CDKAL1: variants seen among roughly 807,000 people sequenced by gnomAD.
CDKAL1 encodes the protein threonylcarbamoyladenosine tRNA methylthiotransferase.
CDKAL1 carries 32 observed loss-of-function variants against 68.2 expected under a neutral mutation model. The observed-to-expected ratio is 0.47, with a 90% CI of 0.35 to 0.63. The LOEUF (loss-of-function observed/expected upper bound fraction) is 0.63, where lower values mean the gene tolerates loss of function less well. Among genes scored for constraint, CDKAL1 ranks in the 30% least tolerant of loss-of-function variants. The pLI is 0.00. For synonymous variants in CDKAL1, 234 were observed against 244.3 expected, an observed-to-expected ratio of 0.96 and a Z score of 0.39; for missense variants, 606 against 696.7, an observed-to-expected ratio of 0.87 and a Z score of 1.47.
At chr6:21,110,859 C>T (rs1291651436) in intron 13 of CDKAL1, among the ~76,000 whole-genome samples, 2 of 152,018 alleles carry the variant, frequency 1.3e-5, no homozygotes, top group Non-Finnish European at 2.9e-5. Context: ...TCCTAGCTAC[C>T]GGGGACAGGT....
At chr6:20,605,897 A>G (rs933167657) in intron 4 of CDKAL1, among the ~76,000 whole-genome samples, 1 of 152,126 alleles carries the variant, frequency 6.6e-6, no homozygotes, top group Non-Finnish European at 1.5e-5. Context: ...TCAGCTGAGT[A>G]CTGTAATTAC....
In CDKAL1 at chr6:20,901,348, G is replaced by A. The variant is rs956290727; in HGVS notation, c.743-54071G>A. On this transcript the variant is annotated intron_variant, in intron 9 of 15. Transcript: ENST00000274695. ...TAGTTTAGTGATATTTTACAAATTG[G>A]ACATAACTATGTCACCAGCACTCAG... 5.9e-5 allele frequency among the ~76,000 whole-genome samples: 9 copies of A among 151,636 alleles called. No homozygotes were observed. In the East Asian group the frequency reaches 1.5e-3, roughly 26 times the overall value.
chr6:20,915,713 G>A (rs1424952520), intron 9 of CDKAL1, among the ~76,000 whole-genome samples: 1 of 152,114 alleles, frequency 6.6e-6, no homozygotes, highest in East Asian at 1.9e-4. Flanking sequence ...TTACACTAGA[G>A]AAATGAAAAC....
chr6:20,939,775 G>C, intron 9 of CDKAL1, among the ~76,000 whole-genome samples: 1 of 152,156 alleles, frequency 6.6e-6, no homozygotes, highest in East Asian at 1.9e-4. Context: ...CTTTGGTAAT[G>C]ATAATTCATT....
intron 5 of CDKAL1, among the ~76,000 whole-genome samples, chr6:20,720,452 C>T (rs1219196068): frequency 6.6e-6 from 1 of 152,112 alleles, no homozygotes; most frequent in Non-Finnish European, 1.5e-5. Context: ...GTGTTCTTAC[C>T]CTTTAAGCCA....
intron 5 of CDKAL1, among the ~76,000 whole-genome samples, chr6:20,658,740 A>T (rs972271582): frequency 1.6e-4 from 24 of 152,320 alleles, no homozygotes; most frequent in Non-Finnish European, 2.2e-4. Context: ...TAAAAGAATT[A>T]AAAAAAACCC....
At chr6:20,966,979 T>C (rs768928228) in intron 10 of CDKAL1, among the ~76,000 whole-genome samples, 6 of 152,194 alleles carry the variant, frequency 3.9e-5, no homozygotes, top group Non-Finnish European at 7.3e-5. Context: ...ACAAACTGGG[T>C]ATTTTGGGAA....
chr6:21,105,354 G>C (rs1773792862), intron 12 of CDKAL1, among the ~76,000 whole-genome samples: 2 of 152,172 alleles, frequency 1.3e-5, no homozygotes, highest in Admixed American at 1.3e-4. Context: ...CTCAGAGGCG[G>C]AGAGAGGAGG....
intron 11 of CDKAL1, among the ~76,000 whole-genome samples, chr6:21,026,330 ATTC>A (rs1347106934): frequency 6.6e-6 from 1 of 152,092 alleles, no homozygotes; most frequent in East Asian, 1.9e-4. Context: ...ATTTTGTGGA[ATTC>A]TTCTGAAACA....
At chr6:20,729,426 G>C (rs1336769929) in intron 5 of CDKAL1, among the ~76,000 whole-genome samples, 1 of 152,040 alleles carries the variant, frequency 6.6e-6, no homozygotes, top group Non-Finnish European at 1.5e-5. Context: ...TCTTTCACAG[G>C]TTTTTCTATG....
chr6:21,087,664 C>T (rs1772765724), intron 12 of CDKAL1, among the ~76,000 whole-genome samples: 1 of 152,046 alleles, frequency 6.6e-6, no homozygotes, highest in African/African-American at 2.4e-5. Flanking sequence ...CTAAAAGGCT[C>T]CTGGGAGAGC....
At chr6:21,087,239 C>A (rs536665856) in intron 12 of CDKAL1, among the ~76,000 whole-genome samples, 1 of 152,182 alleles carries the variant, frequency 6.6e-6, no homozygotes, top group South Asian at 2.1e-4. Flanking sequence ...AGCTGCTCTA[C>A]GGGAGGACTC....
intron 8 of CDKAL1, among the ~76,000 whole-genome samples, chr6:20,802,490 T>C (rs1776410479): frequency 6.6e-6 from 1 of 152,056 alleles, no homozygotes; most frequent in Non-Finnish European, 1.5e-5. Context: ...TTTGTATCTA[T>C]TGTTTGATTA....
intron 9 of CDKAL1, among the ~76,000 whole-genome samples, chr6:20,900,137 G>A (rs1490172969): frequency 6.6e-6 from 1 of 152,052 alleles, no homozygotes; most frequent in East Asian, 1.9e-4. Context: ...TATTGAGAGA[G>A]TTTAAAATTA....
In CDKAL1 at chr6:20,585,348, G is replaced by A. The variant is rs568983368; in HGVS notation, c.286+36643G>A. On this transcript the variant is annotated intron_variant, in intron 4 of 15. Transcript: ENST00000274695. ...ATTACAGGCGTGAGCCACTGCGCCC[G>A]GCCGATAATCTTGTTTTTTGACACC... 3.3e-5 allele frequency among the ~76,000 whole-genome samples: 5 copies of A among 152,178 alleles called. No homozygotes were observed. The South Asian group carries it at 6.2e-4, about 19-fold the overall frequency.
At chr6:20,658,269 A>G (rs1424106193) in intron 5 of CDKAL1, among the ~76,000 whole-genome samples, 2 of 152,206 alleles carry the variant, frequency 1.3e-5, no homozygotes, top group Non-Finnish European at 2.9e-5. Flanking sequence ...ATTAACCCAA[A>G]TGGGCACTGT....
At chr6:20,740,456 A>G (rs1030855464) in intron 6 of CDKAL1, among the ~76,000 whole-genome samples, 2 of 152,142 alleles carry the variant, frequency 1.3e-5, no homozygotes, top group African/African-American at 4.8e-5. Context: ...TTCAGTCAAT[A>G]TTTGTTGATC....
In CDKAL1 at chr6:20,795,241, C is replaced by T. The variant is rs1283093680; in HGVS notation, c.638+13976C>T. Among the ~76,000 whole-genome samples, 5 of 152,200 alleles carry T rather than the reference C, an allele frequency of 3.3e-5. No homozygotes were observed. The East Asian group carries it at 5.8e-4, about 18-fold the overall frequency. On this transcript the variant is annotated intron_variant, in intron 8 of 15. Coordinates refer to ENST00000274695, the MANE Select transcript of CDKAL1 (RefSeq NM_017774.3). The stretch of plus-strand genomic sequence containing the variant: ...GAAGCTCTCAATAAAAATGTTTTTA[C>T]GACTCAGTTTCTAAATGCTAATGGT...
At chr6:20,974,039 G>A (rs1424914830) in intron 10 of CDKAL1, among the ~76,000 whole-genome samples, 1 of 152,184 alleles carries the variant, frequency 6.6e-6, no homozygotes, top group African/African-American at 2.4e-5. Flanking sequence ...AAACAAAGAG[G>A]CCCCAAAATA....
Sources: gnomAD v4.1 joint callset for allele counts (sites outside exome capture counted in the v4.1 genomes callset) on GRCh38, gnomAD v4.1.1 for gene constraint, MANE v1.5 for transcripts, NCBI Gene and HGNC (gene_info 2026-07-23, HGNC 2026-07-21) for gene names.